The following ASAP2 variants were observed in gnomAD, a reference collection of about 807,000 sequenced individuals.
ASAP2 encodes the protein arf-GAP with SH3 domain, ANK repeat and PH domain-containing protein 2.
In ASAP2, 45 loss-of-function variants were observed where a neutral mutation model predicts 131.4. The observed-to-expected ratio is 0.34, with a 90% confidence interval of 0.27 to 0.44. The LOEUF (loss-of-function observed/expected upper bound fraction) is 0.44, where lower values mean the gene tolerates loss of function less well. Among genes scored for constraint, ASAP2 ranks in the 20% least tolerant of loss-of-function variants. The pLI, the probability that ASAP2 is intolerant of heterozygous loss-of-function variation, is 1.00. For synonymous variants in ASAP2, 510 were observed against 503.0 expected (o/e 1.01, Z -0.19); for missense variants, 1,011 against 1,297.0 (o/e 0.78, Z 3.39).
chr2:9,231,315 C>T (rs1419141146), intron 1 of ASAP2, among the ~76,000 whole-genome samples: 1 of 152,198 alleles, frequency 6.6e-6, no homozygotes, highest in Admixed American at 6.5e-5. Context: ...CTCTCCCCAG[C>T]CAAGCTTGCC....
chr2:9,242,032 G>C (rs540130977), intron 1 of ASAP2, among the ~76,000 whole-genome samples: 1 of 152,116 alleles, frequency 6.6e-6, no homozygotes, highest in African/African-American at 2.4e-5. Context: ...TAGCTTCTTC[G>C]AGCACTAGTT....
intron 5 of ASAP2, among the ~76,000 whole-genome samples, chr2:9,321,134 A>C (rs1222113111): frequency 6.6e-6 from 1 of 152,206 alleles, no homozygotes; most frequent in Non-Finnish European, 1.5e-5. Flanking sequence ...AGAAACTTCC[A>C]TATGAAGCTA....
chr2:9,373,608 A>C (rs566334727), intron 16 of ASAP2, among the ~76,000 whole-genome samples: 1 of 152,296 alleles, frequency 6.6e-6, no homozygotes, highest in South Asian at 2.1e-4. Context: ...AGGTACAGAA[A>C]AGTCAACAAC....
chr2:9,281,951 T>G lies in ASAP2; in HGVS notation c.199+2562T>G, dbSNP rs1027349793. ...CACCTGGACTCCTCTGTGCCCTTCT[T>G]TGAAATAACTTGCAGTTTTCCCCAG... is the stretch of plus-strand genomic sequence containing the variant. On this transcript the variant is annotated intron_variant, in intron 2 of 27. Transcript: ENST00000281419. This position sits in a 1 kb window ranked among gnomAD's most constrained non-coding sequence, Gnocchi z 4.0. Among the ~76,000 whole-genome samples, 7 of 152,172 alleles carry G rather than the reference T, an allele frequency of 4.6e-5. No homozygotes were observed. Among genetic ancestry groups the G allele is most frequent in the Non-Finnish European group, 1.0e-4 (7 of 68,018 alleles).
chr2:9,243,163 C>T (rs1664096555), intron 1 of ASAP2, among the ~76,000 whole-genome samples: 1 of 152,172 alleles, frequency 6.6e-6, no homozygotes. Flanking sequence ...GGCTGGAGTG[C>T]AGTGGCACAA....
chr2:9,274,613 G>A (rs778025777), intron 1 of ASAP2, among the ~76,000 whole-genome samples: 1 of 151,874 alleles, frequency 6.6e-6, no homozygotes, highest in East Asian at 1.9e-4. Flanking sequence ...ATGAGCCACC[G>A]CGTCCAGCCT....
rs192707597 is a variant in ASAP2 at position 9,311,633 on chromosome 2, A to G, written c.346-6891A>G. ...AAATTGAGACTGGAGCTGCCTGAGCACAAGGGATATGTAATCATCTTCTGG... is the reference window on the plus strand; with the variant it reads ...AAATTGAGACTGGAGCTGCCTGAGCGCAAGGGATATGTAATCATCTTCTGG... On this transcript the variant is annotated intron_variant, in intron 3 of 27. Coordinates refer to ENST00000281419, the MANE Select transcript of ASAP2 (RefSeq NM_003887.3). The surrounding 1 kb of genome is among the most constrained non-coding windows in gnomAD (Gnocchi z 5.2). 2.6e-5 allele frequency among the ~76,000 whole-genome samples: 4 copies of G among 152,226 alleles called. No homozygotes were observed. Among genetic ancestry groups the G allele is most frequent in the Non-Finnish European group, 4.4e-5 (3 of 68,022 alleles).
chr2:9,370,086 C>T (rs1226537607), intron 16 of ASAP2, among the ~76,000 whole-genome samples: 1 of 152,164 alleles, frequency 6.6e-6, no homozygotes, highest in Non-Finnish European at 1.5e-5. Flanking sequence ...GATCTGCCCA[C>T]CTTGGCCTCC....
chr2:9,277,907 T>G (rs573211261), intron 1 of ASAP2, among the ~76,000 whole-genome samples: 3 of 152,226 alleles, frequency 2.0e-5, no homozygotes, highest in African/African-American at 7.2e-5. Flanking sequence ...TCCAATAAAA[T>G]TATCATTGTG....
At chr2:9,248,624 A>G (rs1366716806) in intron 1 of ASAP2, among the ~76,000 whole-genome samples, 1 of 152,126 alleles carries the variant, frequency 6.6e-6, no homozygotes. Flanking sequence ...CAAGACGCTG[A>G]CGGTGAGGTC....
intron 11 of ASAP2, 165 bp from the exon 12 acceptor site, chr2:9,350,643 C>T (rs937468585): frequency 3.6e-6 from 2 of 554,234 alleles, no homozygotes; most frequent in Middle Eastern, 2.7e-4. Context: ...TCAAAGGCCT[C>T]TGTAACTTGT....
chr2:9,226,089 G>A (rs1242427429), intron 1 of ASAP2, among the ~76,000 whole-genome samples: 2 of 152,200 alleles, frequency 1.3e-5, no homozygotes, highest in African/African-American at 2.4e-5. Context: ...TGCCTCATGC[G>A]AGCTAGTCTC....
intron 21 of ASAP2, among the ~76,000 whole-genome samples, chr2:9,386,765 C>T (rs182590601): frequency 4.9e-4 from 75 of 152,272 alleles, no homozygotes; most frequent in Non-Finnish European, 7.9e-4. Flanking sequence ...GAAAAGCACT[C>T]GTCATATCCA....
In ASAP2 at chr2:9,207,498, C is replaced by G. The variant is rs1251880033; in HGVS notation, c.126+268C>G. 6.6e-6 allele frequency among the ~76,000 whole-genome samples: 1 copy of G among 152,138 alleles called. No homozygotes were observed. The highest frequency in any genetic ancestry group is 6.5e-5 in the Admixed American group (1 of 15,280). ...GCGGCCTGGTCTTTTCCCCGCAGCG[C>G]GGCCAACTTTGTCCAGAGTCGGGGT... On this transcript the variant is annotated intron_variant, in intron 1 of 27. Transcript: ENST00000281419. This position sits in a 1 kb window ranked among gnomAD's most constrained non-coding sequence, Gnocchi z 4.1.
At chr2:9,308,300 G>T (rs1669081041) in intron 3 of ASAP2, among the ~76,000 whole-genome samples, 1 of 152,180 alleles carries the variant, frequency 6.6e-6, no homozygotes, top group Non-Finnish European at 1.5e-5. Flanking sequence ...GTGGGCAGGG[G>T]CAAGAATGAG....
chr2:9,234,399 G>A (rs1663392519), intron 1 of ASAP2, among the ~76,000 whole-genome samples: 1 of 152,152 alleles, frequency 6.6e-6, no homozygotes, highest in Non-Finnish European at 1.5e-5. Context: ...TGGGGCTCTG[G>A]CTAGTGGAGG....
At position 9,335,703 on chromosome 2, in the gene ASAP2, C is replaced by T. The variant is rs117935201; in HGVS notation, c.849+524C>T. ...CTTACTTCCCCTCTTTCTGTAATGA[C>T]GTCTCTGTGTGCTAACACGTCAGCA... On this transcript the variant is annotated intron_variant, in intron 9 of 27. Transcript: ENST00000281419. Among the ~76,000 whole-genome samples, 87 of 152,318 alleles carry T rather than the reference C, an allele frequency of 5.7e-4. 2 individuals are homozygous for T. In the East Asian group the frequency reaches 0.015, roughly 26 times the overall value.
At chr2:9,339,733 C>T (rs1415441524) in intron 9 of ASAP2, among the ~76,000 whole-genome samples, 1 of 152,046 alleles carries the variant, frequency 6.6e-6, no homozygotes, top group Non-Finnish European at 1.5e-5. Flanking sequence ...TGGCTCTTGC[C>T]CCTCTTCCTT....
chr2:9,244,623 C>T (rs1420217688), intron 1 of ASAP2, among the ~76,000 whole-genome samples: 1 of 152,204 alleles, frequency 6.6e-6, no homozygotes, highest in Non-Finnish European at 1.5e-5. Context: ...TCCTGTGCCT[C>T]AGTGGCCTGG....
Sources: gnomAD v4.1 joint callset for allele counts (sites outside exome capture counted in the v4.1 genomes callset) on GRCh38, gnomAD v4.1.1 for gene constraint, Gnocchi (gnomAD v3.1) non-coding constraint, MANE v1.5 for transcripts, NCBI Gene and HGNC (gene_info 2026-07-23, HGNC 2026-07-21) for gene names.